CDADC1: variants seen among roughly 807,000 people sequenced by gnomAD.
CDADC1 encodes the protein cytidine and dCMP deaminase domain containing 1, also known as dCTP deaminase.
CDADC1 carries 39 observed loss-of-function variants against 54.9 expected under a neutral mutation model. The ratio of observed to expected loss-of-function variants is 0.71; its 90% confidence interval spans 0.55 to 0.93. The LOEUF is 0.93. Among genes scored for constraint, CDADC1 ranks in the 40% least tolerant of loss-of-function variants. The probability of loss-of-function intolerance (pLI) is 0.00; values close to 1 mark genes in which losing one functional copy is unlikely to be tolerated. For missense variants in CDADC1, 518 were observed against 618.8 expected (o/e 0.84, Z 1.73); for synonymous variants, 186 against 204.0 (o/e 0.91, Z 0.75).
rs1953767093 is a variant in CDADC1, at chr13:49,293,472, T to G, written c.*1715T>G. The stretch of plus-strand genomic sequence containing the variant: ...CAACTGGTCAGATTTCAATAAATAA[T>G]CATTGATGGTTTACTGTGTAGCCTC... On this transcript the variant is annotated 3_prime_UTR_variant, in exon 10 of 10. Coordinates refer to ENST00000251108, the MANE Select transcript of CDADC1 (RefSeq NM_030911.4). 1 of 152,070 alleles carries G rather than the reference T, an allele frequency of 6.6e-6. No individual in the cohort carries two copies. The highest frequency in any genetic ancestry group is 1.5e-5 in the Non-Finnish European group (1 of 68,036). The allele number at this position is 152,070 out of a possible 1,614,324, so 9.4% of individuals were successfully genotyped here.
intron 4 of CDADC1, among the ~76,000 whole-genome samples, chr13:49,261,585 AG>A (rs2138208041): frequency 6.6e-6 from 1 of 152,336 alleles, no homozygotes. Flanking sequence ...AGAGATTGGG[AG>A]CTTGATTAGT....
chr13:49,276,787 A>T (rs1953150032), intron 6 of CDADC1, among the ~76,000 whole-genome samples: 1 of 152,208 alleles, frequency 6.6e-6, no homozygotes, highest in Non-Finnish European at 1.5e-5. Context: ...TCCCCAGACT[A>T]GAAGGCTCAT....
intron 5 of CDADC1, among the ~76,000 whole-genome samples, chr13:49,269,490 C>G (rs1248949783): frequency 6.6e-6 from 1 of 152,154 alleles, no homozygotes; most frequent in Non-Finnish European, 1.5e-5. Flanking sequence ...GATTTTGATT[C>G]TGTAGGCACA....
chr13:49,278,226 C>T lies in CDADC1; in HGVS notation c.1051-124C>T, dbSNP rs116952944. 2.3e-4 allele frequency: 155 copies of T among 661,800 alleles called. No individual in the cohort carries two copies. The East Asian group carries it at 3.9e-3, about 17-fold the overall frequency. 41.0% of individuals were successfully genotyped at this position (661,800 alleles called of 1,614,324 possible). On this transcript the variant is annotated intron_variant, in intron 6 of 9. Transcript: ENST00000251108. ...TCTGGTATTATATTTTTTGATAGCT[C>T]AGTTTACTGTAGAAAATTGAATGAA...
intron 9 of CDADC1, among the ~76,000 whole-genome samples, chr13:49,290,398 A>G (rs1028363076): frequency 6.6e-6 from 1 of 151,958 alleles, no homozygotes; most frequent in Non-Finnish European, 1.5e-5. Flanking sequence ...ATTATTATAT[A>G]TTACATAATA....
intron 4 of CDADC1, among the ~76,000 whole-genome samples, chr13:49,262,524 CTTTATTTTTAT>C (rs2138209939): frequency 6.6e-6 from 1 of 152,032 alleles, no homozygotes; most frequent in Admixed American, 6.6e-5. Context: ...GTTTCCGTAT[CTTTATTTTTAT>C]TTTATTTTTT....
chr13:49,249,394 G>T (rs1213514809), intron 2 of CDADC1, among the ~76,000 whole-genome samples: 1 of 152,138 alleles, frequency 6.6e-6, no homozygotes, highest in Non-Finnish European at 1.5e-5. Context: ...GATTAATGTT[G>T]GATGGAAGTA....
intron 2 of CDADC1, 65 bp downstream of exon 2, chr13:49,249,030 C>A: frequency 9.8e-7 from 1 of 1,024,034 alleles, no homozygotes; most frequent in Non-Finnish European, 1.5e-6. Context: ...GTTTATTGCT[C>A]CAGTTTCTGT....
At chr13:49,289,122 T>G (rs1175006698) in intron 9 of CDADC1, among the ~76,000 whole-genome samples, 1 of 48,432 alleles carries the variant, frequency 2.1e-5, no homozygotes, top group Non-Finnish European at 5.3e-5. Flanking sequence ...TTTTTTTGCT[T>G]TTTTTTTTTT....
intron 2 of CDADC1, among the ~76,000 whole-genome samples, chr13:49,252,626 A>G (rs573809160): frequency 6.6e-6 from 1 of 152,362 alleles, no homozygotes; most frequent in South Asian, 2.1e-4. Context: ...CTCCACTTTT[A>G]TAGTGTTATT....
At position 49,292,290 on chromosome 13, in the gene CDADC1, G is replaced by C. The variant is rs1953731903; in HGVS notation, c.*533G>C. 2 of 978,400 alleles carry C rather than the reference G, an allele frequency of 2.0e-6. No homozygotes were observed. The highest frequency in any genetic ancestry group is 2.4e-6 in the Non-Finnish European group (2 of 822,068). 60.6% of individuals were successfully genotyped at this position (978,400 alleles called of 1,614,324 possible). ...ATTAGAATTGACTCATAAAAATAAA[G>C]TTAGTGGACTTTGTCTCCATTTTTA... On this transcript the variant is annotated 3_prime_UTR_variant, in exon 10 of 10. Coordinates refer to ENST00000251108, the MANE Select transcript of CDADC1 (RefSeq NM_030911.4).
In CDADC1 at chr13:49,292,292, T is replaced by A; in HGVS notation, c.*535T>A. 2 of 977,214 alleles carry A rather than the reference T, an allele frequency of 2.0e-6. No homozygotes were observed. The highest frequency in any genetic ancestry group is 2.4e-6 in the Non-Finnish European group (2 of 820,742). The allele number at this position is 977,214 out of a possible 1,614,324, so 60.5% of individuals were successfully genotyped here. A position where few individuals can be genotyped will look rare whatever the true frequency, so the allele number is the denominator to read the frequency against. On this transcript the variant is annotated 3_prime_UTR_variant, in exon 10 of 10. Transcript: ENST00000251108. The stretch of plus-strand genomic sequence containing the variant: ...TAGAATTGACTCATAAAAATAAAGT[T>A]AGTGGACTTTGTCTCCATTTTTAAA...
At chr13:49,277,633 A>G (rs1566371687) in intron 6 of CDADC1, among the ~76,000 whole-genome samples, 1 of 152,136 alleles carries the variant, frequency 6.6e-6, no homozygotes, top group Non-Finnish European at 1.5e-5. Flanking sequence ...AATGAGTTTT[A>G]TAGCATATTC....
intron 6 of CDADC1, among the ~76,000 whole-genome samples, chr13:49,274,905 G>T (rs1027083008): frequency 3.9e-5 from 6 of 152,114 alleles, no homozygotes; most frequent in Non-Finnish European, 8.8e-5. Context: ...ATATGTAAGT[G>T]TAATTATAAC....
chr13:49,287,931 C>A (rs975339891), intron 9 of CDADC1, among the ~76,000 whole-genome samples: 6 of 150,484 alleles, frequency 4.0e-5, no homozygotes, highest in Non-Finnish European at 8.8e-5. Flanking sequence ...CATGCTTGTA[C>A]CACTCTACTC....
rs1413038138 is a variant in CDADC1 at position 49,248,176 on chromosome 13, T to C, written c.82+57T>C. Reference sequence around the variant, plus strand: ...TACCTTTCGCTCTGCCCTGTGCGTCTCCCGTCATTGAACTCCAGATTCCTT... The same window carrying C: ...TACCTTTCGCTCTGCCCTGTGCGTCCCCCGTCATTGAACTCCAGATTCCTT... On this transcript the variant is annotated intron_variant, in intron 1 of 9. Transcript: ENST00000251108. 2.1e-6 allele frequency: 3 copies of C among 1,411,676 alleles called. No homozygotes were observed. The Admixed American group carries it at 6.0e-5, about 28-fold the overall frequency. 87.4% of individuals were successfully genotyped at this position (1,411,676 alleles called of 1,614,324 possible).
At chr13:49,288,343 TC>T (rs1953585476) in intron 9 of CDADC1, among the ~76,000 whole-genome samples, 1 of 152,234 alleles carries the variant, frequency 6.6e-6, no homozygotes. Flanking sequence ...ATGTAATTCA[TC>T]TATCATAAAT....
chr13:49,279,655 G>C (rs990942204), intron 7 of CDADC1, among the ~76,000 whole-genome samples: 43 of 152,198 alleles, frequency 2.8e-4, no homozygotes, highest in African/African-American at 9.7e-4. Flanking sequence ...TGTTTGAACA[G>C]ACTAGATGCA....
intron 4 of CDADC1, among the ~76,000 whole-genome samples, chr13:49,267,050 A>G (rs987343219): frequency 6.6e-6 from 1 of 152,228 alleles, no homozygotes; most frequent in Non-Finnish European, 1.5e-5. Context: ...CTTTTTCTTG[A>G]AAAGGCCAGA....
Sources: allele counts gnomAD v4.1 joint callset (sites outside exome capture counted in the v4.1 genomes callset), GRCh38; gene constraint gnomAD v4.1.1; transcripts MANE v1.5; gene names NCBI Gene and HGNC (gene_info 2026-07-23, HGNC 2026-07-21).